The following CMTM4 variants were observed in gnomAD, a reference collection of about 807,000 sequenced individuals.
CMTM4 encodes the protein CKLF like MARVEL transmembrane domain containing 4, also known as CKLF-like MARVEL transmembrane domain-containing protein 4.
In CMTM4, 8 loss-of-function variants were observed where a neutral mutation model predicts 19.0. The ratio of observed to expected loss-of-function variants is 0.42; its 90% CI spans 0.25 to 0.76. The LOEUF (loss-of-function observed/expected upper bound fraction) is 0.76, where lower values mean the gene tolerates loss of function less well. Among genes scored for constraint, CMTM4 ranks in the 30% least tolerant of loss-of-function variants. The pLI is 0.27. For synonymous variants in CMTM4, 106 were observed against 121.1 expected, an observed-to-expected ratio of 0.88 and a Z score of 0.82; for missense variants, 228 against 290.2, an observed-to-expected ratio of 0.79 and a Z score of 1.56.
chr16:66,607,948 T>A, the CMTM4 span, among the ~76,000 whole-genome samples: 2 of 151,676 alleles, frequency 1.3e-5, no homozygotes, highest in African/African-American at 4.8e-5. Flanking sequence ...CGGGCTCAGG[T>A]GATCCTCCCA....
chr16:66,683,284 TTC>T (rs2016973765), intron 1 of CMTM4, among the ~76,000 whole-genome samples: 1 of 140,204 alleles, frequency 7.1e-6, no homozygotes, highest in East Asian at 2.1e-4. Flanking sequence ...TTTTTTTCTT[TTC>T]TTTTTTTTTT....
At chr16:66,681,202 C>T (rs953008893) in intron 1 of CMTM4, among the ~76,000 whole-genome samples, 2 of 151,792 alleles carry the variant, frequency 1.3e-5, no homozygotes, top group African/African-American at 4.8e-5. Context: ...CCAGCCTGGG[C>T]AACACAGTGA....
chr16:66,623,304 A>C, intron 3 of CMTM4, 100 bp downstream of exon 3: 1 of 790,912 alleles, frequency 1.3e-6, no homozygotes, highest in Non-Finnish European at 2.0e-6. Flanking sequence ...TTTAGCAAAG[A>C]AAAGCCACAG....
chr16:66,679,075 G>T (rs963945264), intron 1 of CMTM4, among the ~76,000 whole-genome samples: 1 of 151,352 alleles, frequency 6.6e-6, no homozygotes. Context: ...CTCCAGCCTG[G>T]GTGACAGAGC....
At chr16:66,650,658 C>T (rs954300183) in intron 1 of CMTM4, among the ~76,000 whole-genome samples, 1 of 152,190 alleles carries the variant, frequency 6.6e-6, no homozygotes, top group Non-Finnish European at 1.5e-5. Flanking sequence ...ACCTGTTTAC[C>T]TTTACTTAAT....
At chr16:66,609,649 C>T in the CMTM4 span, 19 of 1,518,492 alleles carry the variant, frequency 1.3e-5, no homozygotes, top group East Asian at 2.5e-4. This position sits in a 1 kb window ranked among gnomAD's most constrained non-coding sequence, Gnocchi z 4.4. Flanking sequence ...ATGTGGGTCC[C>T]GATGATGATT....
chr16:66,627,866 G>C (rs1267877460), intron 2 of CMTM4, among the ~76,000 whole-genome samples: 2 of 152,112 alleles, frequency 1.3e-5, no homozygotes, highest in African/African-American at 4.8e-5. Context: ...AGCATACCAA[G>C]GACCTGCCCC....
At chr16:66,644,522 C>T (rs1421794558) in intron 1 of CMTM4, among the ~76,000 whole-genome samples, 3 of 152,174 alleles carry the variant, frequency 2.0e-5, no homozygotes, top group Non-Finnish European at 2.9e-5. Context: ...AGAAGGCCCC[C>T]CCTTTGTCAT....
At chr16:66,670,154 T>C (rs932551135) in intron 1 of CMTM4, among the ~76,000 whole-genome samples, 2 of 151,982 alleles carry the variant, frequency 1.3e-5, no homozygotes, top group Non-Finnish European at 2.9e-5. Context: ...TATTTAAAAT[T>C]TGTGCACTTC....
At position 66,617,530 on chromosome 16, in the gene CMTM4, C is replaced by T. The variant is rs901214541; in HGVS notation, c.*4528G>A. The T allele has an allele frequency of 2.9e-5, 40 of 1,368,000 alleles. No individual in the cohort carries two copies. The East Asian group carries it at 6.0e-4, about 21-fold the overall frequency. The allele number at this position is 1,368,000 out of a possible 1,614,324, so 84.7% of individuals were successfully genotyped here. A position where few individuals can be genotyped will look rare whatever the true frequency, so the allele number is the denominator to read the frequency against. On this transcript the variant is annotated 3_prime_UTR_variant, in exon 4 of 4. Transcript: ENST00000394106. ...AAGAATTAAACAGAACATTCACTTTCGGAAGAAAATTTTTCTAGACCTAAC... is the reference window on the plus strand; with the variant it reads ...AAGAATTAAACAGAACATTCACTTTTGGAAGAAAATTTTTCTAGACCTAAC...
chr16:66,675,368 C>G (rs1323073608), intron 1 of CMTM4, among the ~76,000 whole-genome samples: 2 of 151,656 alleles, frequency 1.3e-5, no homozygotes, highest in African/African-American at 4.8e-5. Flanking sequence ...CGGTGTGAGC[C>G]ACGCCCAGCC....
chr16:66,621,860 A>C lies in CMTM4; in HGVS notation c.*198T>G. ...GACGCCGGCTGCTCCACAGCCCCAA[A>C]CGCTGAGGAACGTGGGCCTCCCAAC... is the stretch of plus-strand genomic sequence containing the variant. On this transcript the variant is annotated 3_prime_UTR_variant, in exon 4 of 4. Transcript: ENST00000394106. 1 of 1,415,924 alleles carries C rather than the reference A, an allele frequency of 7.1e-7. No homozygotes were observed. Among genetic ancestry groups the C allele is most frequent in the Non-Finnish European group, 9.2e-7 (1 of 1,087,528 alleles). The allele number at this position is 1,415,924 out of a possible 1,614,324, so 87.7% of individuals were successfully genotyped here.
intron 1 of CMTM4, among the ~76,000 whole-genome samples, chr16:66,666,204 G>A (rs999724366): frequency 2.6e-5 from 4 of 152,268 alleles, no homozygotes; most frequent in African/African-American, 7.2e-5. Context: ...TGTAATCCCA[G>A]CACTTTGGGA....
At chr16:66,678,226 T>C (rs1016735891) in intron 1 of CMTM4, among the ~76,000 whole-genome samples, 1 of 151,164 alleles carries the variant, frequency 6.6e-6, no homozygotes, top group Non-Finnish European at 1.5e-5. Context: ...AAGAGAAAAA[T>C]GAAAATCCAG....
the CMTM4 span, chr16:66,604,842 G>A: frequency 5.9e-6 from 8 of 1,353,504 alleles, no homozygotes; most frequent in South Asian, 1.8e-5. Context: ...CCCGGACCCC[G>A]AGCCTGCCGG....
intron 1 of CMTM4, among the ~76,000 whole-genome samples, chr16:66,663,625 C>G (rs891684707): frequency 6.8e-6 from 1 of 146,612 alleles, no homozygotes; most frequent in Non-Finnish European, 1.5e-5. Flanking sequence ...TCACTGCAAC[C>G]TCCGCCTCCC....
intron 1 of CMTM4, among the ~76,000 whole-genome samples, chr16:66,682,013 C>A (rs2016924714): frequency 6.6e-6 from 1 of 152,190 alleles, no homozygotes; most frequent in African/African-American, 2.4e-5. Flanking sequence ...TATCGCCAGG[C>A]CTCTATCACA....
chr16:66,670,575 G>C (rs1358366347), intron 1 of CMTM4, among the ~76,000 whole-genome samples: 2 of 151,944 alleles, frequency 1.3e-5, no homozygotes, highest in Non-Finnish European at 2.9e-5. Context: ...GCCGAGGTAG[G>C]CGGATCACGA....
At chr16:66,683,186 TATATATAC>T (rs2016965922) in intron 1 of CMTM4, among the ~76,000 whole-genome samples, 5 of 91,840 alleles carry the variant, frequency 5.4e-5, no homozygotes, top group Admixed American at 1.3e-4. Context: ...CATATGTATA[TATATATAC>T]ATATATATAT....
Sources: allele counts gnomAD v4.1 joint callset (sites outside exome capture counted in the v4.1 genomes callset), GRCh38; gene constraint gnomAD v4.1.1; non-coding constraint Gnocchi (gnomAD v3.1); transcripts MANE v1.5; gene names NCBI Gene and HGNC (gene_info 2026-07-23, HGNC 2026-07-21).